Variants in SFMBT2 observed in about 807,000 individuals in gnomAD.
SFMBT2 encodes scm-like with four MBT domains protein 2.
SFMBT2 carries 38 observed loss-of-function variants against 110.1 expected under a neutral mutation model. That is an observed-to-expected ratio of 0.35 (90% CI 0.27 to 0.45). The LOEUF (loss-of-function observed/expected upper bound fraction) is 0.45, where lower values mean the gene tolerates loss of function less well. Ranked by LOEUF, SFMBT2 falls within the 20% of genes least tolerant of loss-of-function variation. The probability of loss-of-function intolerance (pLI) is 1.00; values close to 1 mark genes in which losing one functional copy is unlikely to be tolerated. For synonymous variants in SFMBT2, 425 were observed against 425.4 expected (o/e 1.00, Z 0.01); for missense variants, 1,011 against 1,094.9 (o/e 0.92, Z 1.08).
intron 16 of SFMBT2, among the ~76,000 whole-genome samples, chr10:7,179,391 G>GAAA (rs57497418): frequency 3.7e-4 from 26 of 70,308 alleles, no homozygotes; most frequent in Non-Finnish European, 4.9e-4. Context: ...TTGCATTTTC[G>GAAA]AAAAAAAAAA....
intron 9 of SFMBT2, among the ~76,000 whole-genome samples, chr10:7,237,729 G>C (rs181920603): frequency 1.4e-3 from 211 of 152,272 alleles, no homozygotes; most frequent in Admixed American, 2.6e-3. Flanking sequence ...CATTTTAGTG[G>C]GGGAGATGAA....
intron 1 of SFMBT2, among the ~76,000 whole-genome samples, chr10:7,398,769 T>C (rs1398143197): frequency 6.6e-6 from 1 of 152,170 alleles, no homozygotes; most frequent in African/African-American, 2.4e-5. Context: ...CCCAGGTTTG[T>C]AAAAAGAGCT....
At chr10:7,348,098 T>C in intron 4 of SFMBT2, 1 of 427,884 alleles carries the variant, frequency 2.3e-6, no homozygotes, top group Non-Finnish European at 4.2e-6. Flanking sequence ...ATCATCATCA[T>C]CCCTTCATCT....
At chr10:7,364,768 A>C (rs1471789977) in intron 4 of SFMBT2, among the ~76,000 whole-genome samples, 1 of 152,074 alleles carries the variant, frequency 6.6e-6, no homozygotes, top group Non-Finnish European at 1.5e-5. Context: ...CCTTCTCTTG[A>C]TGCCCCCAAG....
At chr10:7,278,650 G>C (rs1459033171) in intron 6 of SFMBT2, among the ~76,000 whole-genome samples, 1 of 152,166 alleles carries the variant, frequency 6.6e-6, no homozygotes, top group Non-Finnish European at 1.5e-5. Flanking sequence ...GATTACCAAA[G>C]AAAGAATTTG....
intron 5 of SFMBT2, 150 bp downstream of exon 5, chr10:7,285,716 A>T: frequency 1.5e-6 from 1 of 653,722 alleles, no homozygotes; most frequent in South Asian, 1.8e-5. Context: ...TAAGTAATTC[A>T]GGACAAAAGA....
chr10:7,315,096 GA>G (rs1421912547), intron 4 of SFMBT2, among the ~76,000 whole-genome samples: 1 of 144,928 alleles, frequency 6.9e-6, no homozygotes, highest in Non-Finnish European at 1.6e-5. Context: ...AAGAAAGAAA[GA>G]AAGAAAGAAA....
chr10:7,326,848 G>C (rs1482324345), intron 4 of SFMBT2, among the ~76,000 whole-genome samples: 1 of 152,106 alleles, frequency 6.6e-6, no homozygotes, highest in Non-Finnish European at 1.5e-5. Flanking sequence ...CCGCTCTTTT[G>C]CTTCCAAAGC....
At chr10:7,375,439 A>T (rs956848697) in intron 2 of SFMBT2, among the ~76,000 whole-genome samples, 1 of 152,192 alleles carries the variant, frequency 6.6e-6, no homozygotes, top group Non-Finnish European at 1.5e-5. Context: ...ATGCTTACTG[A>T]GCACCTTCTT....
At chr10:7,279,509 C>T (rs982376312) in intron 6 of SFMBT2, among the ~76,000 whole-genome samples, 2 of 152,192 alleles carry the variant, frequency 1.3e-5, no homozygotes, top group East Asian at 3.9e-4. Flanking sequence ...TCCCCATGTG[C>T]ATTCCGTGAG....
At chr10:7,385,001 C>T (rs1392130237) in intron 1 of SFMBT2, among the ~76,000 whole-genome samples, 1 of 152,188 alleles carries the variant, frequency 6.6e-6, no homozygotes, top group African/African-American at 2.4e-5. Context: ...CTGCCAAGGG[C>T]ACTCTAAGGT....
intron 7 of SFMBT2, among the ~76,000 whole-genome samples, chr10:7,274,472 T>C (rs1482069975): frequency 1.3e-5 from 2 of 152,208 alleles, no homozygotes; most frequent in East Asian, 3.8e-4. Flanking sequence ...CTCCTGATAG[T>C]GAGTAAGCTC....
At chr10:7,363,443 G>A (rs1044012986) in intron 4 of SFMBT2, among the ~76,000 whole-genome samples, 1 of 151,984 alleles carries the variant, frequency 6.6e-6, no homozygotes, top group Non-Finnish European at 1.5e-5. Context: ...TTGCCTCCTG[G>A]GTTCAAACAA....
intron 4 of SFMBT2, among the ~76,000 whole-genome samples, chr10:7,344,823 G>A (rs1844053678): frequency 6.6e-6 from 1 of 151,868 alleles, no homozygotes; most frequent in Non-Finnish European, 1.5e-5. Flanking sequence ...GCCGGGCACA[G>A]TGGCGGGTGC....
rs1189493047 is a variant in SFMBT2, at chr10:7,170,229, A to C, written c.2544+699T>G. ...TTGTTGTGGTTGCTGTTTGTGTGTG[A>C]GCTTCATGCCCCTGAGACTTGGAGC... On this transcript the variant is annotated intron_variant, in intron 20 of 20. Transcript: ENST00000397167. This position sits in a 1 kb window ranked among gnomAD's most constrained non-coding sequence, Gnocchi z 4.6. 6.6e-6 allele frequency among the ~76,000 whole-genome samples: 1 copy of C among 152,216 alleles called. No homozygotes were observed. Among genetic ancestry groups the C allele is most frequent in the Non-Finnish European group, 1.5e-5 (1 of 68,038 alleles).
Position 7,161,460 on chromosome 10 carries a change from C to T in SFMBT2, c.*2310G>A, listed in dbSNP as rs1241991118. On this transcript the variant is annotated 3_prime_UTR_variant, in exon 21 of 21. Coordinates refer to ENST00000397167, the MANE Select transcript of SFMBT2 (RefSeq NM_001387889.1). ...TCTGGAAATGGATGCCCTTTCCAATCGTTTGACAGAGTTGAACTCCACAAG... is the reference window on the plus strand; with the variant it reads ...TCTGGAAATGGATGCCCTTTCCAATTGTTTGACAGAGTTGAACTCCACAAG... The T allele has an allele frequency of 2.6e-5, 4 of 152,202 alleles. No individual in the cohort carries two copies. The highest frequency in any genetic ancestry group is 6.5e-5 in the Admixed American group (1 of 15,272). 9.4% of individuals were successfully genotyped at this position (152,202 alleles called of 1,614,324 possible). A position where few individuals can be genotyped will look rare whatever the true frequency, so the allele number is the denominator to read the frequency against.
intron 1 of SFMBT2, among the ~76,000 whole-genome samples, chr10:7,385,814 A>G (rs929956375): frequency 6.6e-6 from 1 of 152,124 alleles, no homozygotes; most frequent in African/African-American, 2.4e-5. Flanking sequence ...CCTGGCTAAC[A>G]CGGTGAAACC....
At chr10:7,196,492 A>G (rs1732267679) in intron 15 of SFMBT2, among the ~76,000 whole-genome samples, 1 of 152,150 alleles carries the variant, frequency 6.6e-6, no homozygotes, top group South Asian at 2.1e-4. Context: ...TACTCCCAGG[A>G]CACTGTGTTC....
At chr10:7,346,391 G>T (rs1564450941) in intron 4 of SFMBT2, among the ~76,000 whole-genome samples, 1 of 152,168 alleles carries the variant, frequency 6.6e-6, no homozygotes, top group Non-Finnish European at 1.5e-5. Flanking sequence ...AACAGAGGAT[G>T]TGAGCAAGAC....
Sources: gnomAD v4.1 joint callset for allele counts (sites outside exome capture counted in the v4.1 genomes callset) on GRCh38, gnomAD v4.1.1 for gene constraint, Gnocchi (gnomAD v3.1) non-coding constraint, MANE v1.5 for transcripts, NCBI Gene and HGNC (gene_info 2026-07-23, HGNC 2026-07-21) for gene names.